DNAH11: variants seen among roughly 807,000 people sequenced by gnomAD.
DNAH11 encodes dynein axonemal heavy chain 11, also known as axonemal beta dynein heavy chain 11.
A neutral mutation model predicts 526.0 loss-of-function variants in DNAH11; 442 were observed. The observed-to-expected ratio is 0.84, with a 90% CI of 0.78 to 0.91. The LOEUF (loss-of-function observed/expected upper bound fraction) is 0.91. DNAH11 is among the 40% of genes least tolerant of loss of function. The pLI is 0.00. For synonymous variants in DNAH11, 2,461 were observed against 1,935.9 expected (o/e 1.27, Z -7.12); for missense variants, 6,989 against 5,448.7 (o/e 1.28, Z -8.90).
At chr7:21,631,828 G>T (rs1037311745) in intron 25 of DNAH11, among the ~76,000 whole-genome samples, 8 of 152,114 alleles carry the variant, frequency 5.3e-5, no homozygotes, top group Admixed American at 5.2e-4. Context: ...ACCTTTCTGG[G>T]GTCTGGAGGA....
intron 25 of DNAH11, among the ~76,000 whole-genome samples, chr7:21,629,304 A>T (rs909990268): frequency 6.6e-6 from 1 of 152,186 alleles, no homozygotes; most frequent in Non-Finnish European, 1.5e-5. Flanking sequence ...GAATTTTTTG[A>T]AACTTGTTTT....
chr7:21,665,965 G>A (rs1782406786), intron 30 of DNAH11, among the ~76,000 whole-genome samples: 1 of 152,064 alleles, frequency 6.6e-6, no homozygotes, highest in Non-Finnish European at 1.5e-5. Context: ...ACCATCTGCT[G>A]GAGTGTGCTT....
intron 2 of DNAH11, among the ~76,000 whole-genome samples, chr7:21,547,782 A>G (rs1022336864): frequency 6.6e-6 from 1 of 152,142 alleles, no homozygotes; most frequent in African/African-American, 2.4e-5. Flanking sequence ...TTTTCTCACA[A>G]GTTCCCTCCT....
chr7:21,664,998 A>G (rs1430297970), intron 30 of DNAH11, among the ~76,000 whole-genome samples: 1 of 152,086 alleles, frequency 6.6e-6, no homozygotes, highest in African/African-American at 2.4e-5. Flanking sequence ...CTGCCATGGC[A>G]TTCGCTTATC....
At chr7:21,568,436 G>A (rs947702293) in intron 6 of DNAH11, among the ~76,000 whole-genome samples, 1 of 152,168 alleles carries the variant, frequency 6.6e-6, no homozygotes, top group Admixed American at 6.5e-5. Context: ...TAGATCCTCT[G>A]AGACAACTTA....
intron 79 of DNAH11, among the ~76,000 whole-genome samples, chr7:21,896,274 C>T (rs1253326714): frequency 6.6e-6 from 1 of 152,080 alleles, no homozygotes; most frequent in Non-Finnish European, 1.5e-5. Flanking sequence ...TAGAGCAGGG[C>T]TTGGAGGGTG....
intron 76 of DNAH11, 33 bp from the exon 77 acceptor site, chr7:21,892,392 T>G (rs1300189451): frequency 1.9e-6 from 3 of 1,583,876 alleles, no homozygotes; most frequent in African/African-American, 2.7e-5. Flanking sequence ...CTACCTACAT[T>G]TGGAATAACT....
chr7:21,868,281 T>C (rs754318682), intron 72 of DNAH11, among the ~76,000 whole-genome samples: 1 of 152,150 alleles, frequency 6.6e-6, no homozygotes, highest in Non-Finnish European at 1.5e-5. Context: ...ATTTTCCACA[T>C]GCTCATGTAA....
At chr7:21,825,228 A>C (rs1406775296) in intron 65 of DNAH11, among the ~76,000 whole-genome samples, 3 of 152,116 alleles carry the variant, frequency 2.0e-5, no homozygotes, top group Non-Finnish European at 4.4e-5. Flanking sequence ...TAGCGTTCTT[A>C]TTGAAGGCCA....
chr7:21,772,296 T>G (rs1485491487), intron 55 of DNAH11, among the ~76,000 whole-genome samples: 5 of 151,746 alleles, frequency 3.3e-5, no homozygotes, highest in African/African-American at 1.2e-4. Context: ...CCAAGGAGCC[T>G]CCTCATAAGG....
intron 32 of DNAH11, among the ~76,000 whole-genome samples, chr7:21,686,332 T>C (rs1783373662): frequency 6.6e-6 from 1 of 152,192 alleles, no homozygotes. Flanking sequence ...CCTCCATGTG[T>C]ATATCATTCA....
intron 65 of DNAH11, among the ~76,000 whole-genome samples, chr7:21,830,510 A>G (rs1437951677): frequency 2.6e-5 from 4 of 152,206 alleles, no homozygotes; most frequent in South Asian, 2.1e-4. Flanking sequence ...ATAGAAAGTC[A>G]GGCAGGTTGA....
At chr7:21,764,215 C>G (rs918009324) in intron 54 of DNAH11, among the ~76,000 whole-genome samples, 21 of 152,090 alleles carry the variant, frequency 1.4e-4, no homozygotes, top group Non-Finnish European at 2.6e-4. Flanking sequence ...ACATTTTGAT[C>G]TTAATATTTA....
chr7:21,678,392 A>G (rs1040900783), intron 30 of DNAH11, among the ~76,000 whole-genome samples: 5 of 151,994 alleles, frequency 3.3e-5, no homozygotes, highest in South Asian at 2.1e-4. Context: ...TTAACTCTCT[A>G]TTCTGTTCCA....
chr7:21,680,742 A>C (rs1198212410), intron 30 of DNAH11, among the ~76,000 whole-genome samples: 4 of 152,200 alleles, frequency 2.6e-5, no homozygotes, highest in African/African-American at 9.6e-5. Flanking sequence ...CAAGAATAAG[A>C]ATAAAGGAGG....
chr7:21,638,903 A>G (rs1211217134), intron 27 of DNAH11, 36 bp from the exon 28 acceptor site: 1 of 1,584,518 alleles, frequency 6.3e-7, no homozygotes, highest in Non-Finnish European at 8.6e-7. Context: ...GACTGAAGGG[A>G]CAAGATATGC....
intron 30 of DNAH11, among the ~76,000 whole-genome samples, chr7:21,680,530 G>C (rs1783095553): frequency 6.6e-6 from 1 of 152,130 alleles, no homozygotes; most frequent in Admixed American, 6.5e-5. Context: ...TTAGATCCAA[G>C]TTCACATGTT....
rs933960922 is a variant in DNAH11 at position 21,833,008 on chromosome 7, A to G, written c.10692-9536A>G. Among the ~76,000 whole-genome samples the G allele has an allele frequency of 2.0e-5, 3 of 152,200 alleles. 1 individual carries two copies. The highest frequency in any genetic ancestry group is 1.3e-4 in the Admixed American group (2 of 15,280). On this transcript the variant is annotated intron_variant, in intron 65 of 81. Transcript: ENST00000409508. ...CATATGTGAATACACACACATAAAC[A>G]CAAACACATACACATACACCACACA...
intron 67 of DNAH11, among the ~76,000 whole-genome samples, chr7:21,853,783 G>A (rs1782728562): frequency 6.6e-6 from 1 of 152,182 alleles, no homozygotes; most frequent in Non-Finnish European, 1.5e-5. Context: ...TAAACTAAAT[G>A]GAAATATATG....
Sources: gnomAD v4.1 joint callset for allele counts (sites outside exome capture counted in the v4.1 genomes callset) on GRCh38, gnomAD v4.1.1 for gene constraint, MANE v1.5 for transcripts, NCBI Gene and HGNC (gene_info 2026-07-23, HGNC 2026-07-21) for gene names.